ITIH4: variants seen among roughly 807,000 people sequenced by gnomAD.
ITIH4 encodes the protein inter-alpha-trypsin inhibitor heavy chain H4.
A neutral mutation model predicts 111.8 loss-of-function variants in ITIH4; 79 were observed. The observed-to-expected ratio is 0.71, with a 90% confidence interval of 0.59 to 0.85. ITIH4 has a LOEUF of 0.85. ITIH4 is among the 40% of genes least tolerant of loss of function. ITIH4 has a pLI of 0.00. For synonymous variants in ITIH4, 472 were observed against 468.3 expected (o/e 1.01, Z -0.10); for missense variants, 1,065 against 1,195.8 (o/e 0.89, Z 1.61).
At chr3:52,826,109 C>A in intron 5 of ITIH4, 95 bp from the exon 6 acceptor site, 2 of 1,527,016 alleles carry the variant, frequency 1.3e-6, no homozygotes, top group South Asian at 2.5e-5. Flanking sequence ...ATCAGAATTC[C>A]AGGATGCAGC....
Position 52,819,923 on chromosome 3 carries a change from A to T in ITIH4, c.1912+17T>A. ...CAATCTGTCAATCTCCCCTCCCCCCACCTCCTACTTTGTCACCTGGTTTTG... is the reference window on the plus strand; with the variant it reads ...CAATCTGTCAATCTCCCCTCCCCCCTCCTCCTACTTTGTCACCTGGTTTTG... On this transcript the variant is annotated intron_variant, in intron 15 of 23. Coordinates refer to ENST00000266041, the MANE Select transcript of ITIH4 (RefSeq NM_002218.5). The T allele has an allele frequency of 3.7e-6, 6 of 1,611,144 alleles. No homozygotes were observed. The highest frequency in any genetic ancestry group is 5.1e-6 in the Non-Finnish European group (6 of 1,178,118).
Position 52,824,414 on chromosome 3 carries a change from C to A in ITIH4, c.1028G>T (p.Gly343Val). Residue 343 changes from glycine to valine, a missense_variant, in exon 8 of 24, where the codon GGC becomes GTC. By Grantham distance (109) the Gly-to-Val change is moderately radical. Coordinates refer to ENST00000266041, the MANE Select transcript of ITIH4 (RefSeq NM_002218.5). The surrounding 1 kb of genome is among the most constrained non-coding windows in gnomAD (Gnocchi z 4.3). ...ACACTTACCTCCCAGGGCCTGGATG[C>A]CCGCAGCAAAGCTCCTGGCCTTGTT... is the stretch of plus-strand genomic sequence containing the variant. ...NVNKARSFAA[G>V]IQALGGTNIN... 2 of 1,614,114 alleles carry A rather than the reference C, an allele frequency of 1.2e-6. No individual in the cohort carries two copies. Among genetic ancestry groups the A allele is most frequent in the Non-Finnish European group, 1.7e-6 (2 of 1,180,010 alleles).
chr3:52,820,933 C>CCG, intron 12 of ITIH4, 58 bp downstream of exon 12: 2 of 1,592,194 alleles, frequency 1.3e-6, no homozygotes. Context: ...AGGCGCTGTA[C>CCG]CGTGCCACCT....
chr3:52,819,654 A>G, intron 16 of ITIH4, 100 bp downstream of exon 16: 1 of 1,570,530 alleles, frequency 6.4e-7, no homozygotes, highest in Non-Finnish European at 8.8e-7. Flanking sequence ...CAACTTGGGG[A>G]GCCTCTCCCC....
chr3:52,822,477 T>C (rs1012820990), intron 11 of ITIH4: 1 of 152,238 alleles, frequency 6.6e-6, no homozygotes, highest in Non-Finnish European at 1.5e-5. Context: ...GGTTCTGTAC[T>C]TTGGGAACCC....
chr3:52,826,559 G>A lies in ITIH4; in HGVS notation c.612C>T (p.Thr204=), dbSNP rs781536270. The A allele has an allele frequency of 1.2e-6, 2 of 1,613,954 alleles. No individual in the cohort carries two copies. Among genetic ancestry groups the A allele is most frequent in the East Asian group, 4.5e-5 (2 of 44,880 alleles). The stretch of plus-strand genomic sequence containing the variant: ...GGCCCACCTTGGTCTTATTCTGCCA[G>A]GTGGTGAGGGCGTCTACCAGCTGGT... The part of the protein sequence containing the change: ...MTNQLVDALT[T]WQNKTKAHIR... The change falls in exon 5 of 24, where the codon ACC becomes ACT. Residue 204 remains threonine, a synonymous_variant. Transcript: ENST00000266041.
At position 52,824,098 on chromosome 3, in the gene ITIH4, C is replaced by T; in HGVS notation, c.1171+92G>A. 1 of 1,574,048 alleles carries T rather than the reference C, an allele frequency of 6.4e-7. No individual in the cohort carries two copies. Among genetic ancestry groups the T allele is most frequent in the Non-Finnish European group, 8.6e-7 (1 of 1,156,906 alleles). ...AGAGCCGAGGGGCCTCAGTGACCCC[C>T]TCTCCCTGCCCAGATCCCACAGCAA... On this transcript the variant is annotated intron_variant, in intron 9 of 23. Transcript: ENST00000266041. The surrounding 1 kb of genome is among the most constrained non-coding windows in gnomAD (Gnocchi z 4.3).
In ITIH4 at chr3:52,820,711, A is replaced by G; in HGVS notation, c.1754T>C (p.Val585Ala). 9.3e-6 allele frequency: 15 copies of G among 1,614,158 alleles called. No homozygotes were observed. The highest frequency in any genetic ancestry group is 1.3e-5 in the African/African-American group (1 of 75,050). Reference protein sequence around the residue: ...ALNLSLAYSFVTPLTSMVVTK... With the variant: ...ALNLSLAYSFATPLTSMVVTK... ...GACTACCATAGATGTGAGAGGCGTG[A>G]CAAAGCTGTAGGCAAGTGATAAATT... Residue 585 changes from valine (V) to alanine (A), a missense_variant, in exon 13 of 24, where the codon GTC becomes GCC. Physicochemically the swap from Val to Ala is moderately conservative, Grantham distance 64. Transcript: ENST00000266041.
intron 11 of ITIH4, among the ~76,000 whole-genome samples, chr3:52,822,046 T>TA (rs796146855): frequency 6.6e-5 from 10 of 152,296 alleles, no homozygotes; most frequent in African/African-American, 2.2e-4. Flanking sequence ...TTTATGTCCA[T>TA]AAAATCTTAG....
chr3:52,816,906 T>A lies in ITIH4; in HGVS notation c.2449A>T (p.Thr817Ser). Reference protein sequence around the residue: ...RRSSAYKWKETLFSVMPGLKM... With the variant: ...RRSSAYKWKESLFSVMPGLKM... The stretch of plus-strand genomic sequence containing the variant: ...TACCCGGGCATCACTGAGAATAGCG[T>A]CTCCTTCCACTTGTACGCAGAGCTT... The change falls in exon 21 of 24, where the codon ACG (threonine) becomes TCG (serine). Residue 817 changes from threonine to serine, a missense_variant. Physicochemically the swap from Thr to Ser is moderately conservative, Grantham distance 58. Coordinates refer to ENST00000266041, the MANE Select transcript of ITIH4 (RefSeq NM_002218.5). 1 of 1,613,780 alleles carries A rather than the reference T, an allele frequency of 6.2e-7. No individual in the cohort carries two copies. The highest frequency in any genetic ancestry group is 8.5e-7 in the Non-Finnish European group (1 of 1,179,828).
Position 52,813,144 on chromosome 3 carries a change from CT to C in ITIH4, c.*276del, listed in dbSNP as rs1700220542. 6.9e-6 allele frequency: 3 copies of C among 436,470 alleles called. No individual in the cohort carries two copies. Among genetic ancestry groups the C allele is most frequent in the Non-Finnish European group, 1.2e-5 (3 of 244,216 alleles). 27.0% of individuals were successfully genotyped at this position (436,470 alleles called of 1,614,324 possible). A position where few individuals can be genotyped will look rare whatever the true frequency, so the allele number is the denominator to read the frequency against. On this transcript the variant is annotated 3_prime_UTR_variant, in exon 24 of 24. Coordinates refer to ENST00000266041, the MANE Select transcript of ITIH4 (RefSeq NM_002218.5). ...TTGTTTGTAAAATGAAGGGGCTGGA[CT>C]GAAAGCTCAGCATGGGCCTTCCTGG...
chr3:52,823,099 T>C (rs973412423), intron 11 of ITIH4, among the ~76,000 whole-genome samples: 14 of 152,148 alleles, frequency 9.2e-5, no homozygotes, highest in African/African-American at 2.2e-4. Flanking sequence ...TTTGTGGAAA[T>C]GACAGGGGGT....
At chr3:52,826,434 G>A (rs1700479583) in intron 5 of ITIH4, 107 bp downstream of exon 5, 1 of 821,008 alleles carries the variant, frequency 1.2e-6, no homozygotes, top group African/African-American at 1.7e-5. Flanking sequence ...CCAGGTCACA[G>A]CTCACAGGAG....
intron 11 of ITIH4, among the ~76,000 whole-genome samples, chr3:52,822,561 T>C (rs983855129): frequency 6.6e-6 from 1 of 152,142 alleles, no homozygotes; most frequent in African/African-American, 2.4e-5. Flanking sequence ...AGTGACTTTA[T>C]GAGGGGGGCA....
Position 52,819,634 on chromosome 3 carries a change from C to G in ITIH4, c.1952-116G>C, listed in dbSNP as rs552477155. ...AGAGGGCAGCTATGTCCCCTCTCCC[C>G]ACACCCGGCCAACTTGGGGAGCCTC... On this transcript the variant is annotated intron_variant, in intron 16 of 23. Transcript: ENST00000266041. 4.1e-5 allele frequency: 65 copies of G among 1,576,254 alleles called. No homozygotes were observed. In the African/African-American group the frequency reaches 7.4e-4, roughly 18 times the overall value.
In ITIH4 at chr3:52,824,704, T is replaced by C; in HGVS notation, c.876+138A>G. On this transcript the variant is annotated intron_variant, in intron 7 of 23. Transcript: ENST00000266041. This position sits in a 1 kb window ranked among gnomAD's most constrained non-coding sequence, Gnocchi z 4.3. ...TAGGAACAGGGGCTGCCCTAGGCTC[T>C]GGCCAACCTTGGTTCCTGAGAGCCA... 1 of 1,258,026 alleles carries C rather than the reference T, an allele frequency of 7.9e-7. No individual in the cohort carries two copies. The highest frequency in any genetic ancestry group is 1.1e-6 in the Non-Finnish European group (1 of 899,240). The allele number at this position is 1,258,026 out of a possible 1,614,324, so 77.9% of individuals were successfully genotyped here. A position where few individuals can be genotyped will look rare whatever the true frequency, so the allele number is the denominator to read the frequency against.
chr3:52,830,191 C>T (rs912699431), intron 1 of ITIH4: 24 of 369,732 alleles, frequency 6.5e-5, no homozygotes, highest in Non-Finnish European at 1.2e-4. Flanking sequence ...GTTTGGTTTT[C>T]ACAACCGCCA....
Position 52,827,112 on chromosome 3 carries a change from T to C in ITIH4, c.337A>G (p.Lys113Glu). 2.5e-6 allele frequency: 4 copies of C among 1,614,098 alleles called. No individual in the cohort carries two copies. Among genetic ancestry groups the C allele is most frequent in the Non-Finnish European group, 2.5e-6 (3 of 1,179,986 alleles). ...AQYSAAVAKG[K>E]SAGLVKATGR... ...GCTCACTTGACGAGGCCAGCGCTCT[T>C]TCCCTTGGCCACTGCTGCGCTGTAC... The change falls in exon 3 of 24, where the codon AAG becomes GAG. Residue 113 changes from lysine to glutamate, a missense_variant. Lys to Glu is a moderately conservative substitution (Grantham distance 56). Transcript: ENST00000266041.
intron 11 of ITIH4, among the ~76,000 whole-genome samples, chr3:52,821,985 T>A (rs1011670650): frequency 2.6e-5 from 4 of 152,226 alleles, no homozygotes; most frequent in African/African-American, 9.7e-5. Context: ...GCTATTTAAT[T>A]GATATTTTTC....
Sources: gnomAD v4.1 joint callset for allele counts (sites outside exome capture counted in the v4.1 genomes callset) on GRCh38, gnomAD v4.1.1 for gene constraint, Gnocchi (gnomAD v3.1) non-coding constraint, MANE v1.5 for transcripts, NCBI Gene and HGNC (gene_info 2026-07-23, HGNC 2026-07-21) for gene names.